Variants in NLGN1 observed in about 807,000 individuals in gnomAD.
NLGN1 encodes neuroligin-1.
A neutral mutation model predicts 65.5 loss-of-function variants in NLGN1; 12 were observed. The observed-to-expected ratio is 0.18, with a 90% CI of 0.12 to 0.30. The LOEUF (loss-of-function observed/expected upper bound fraction) is 0.30, where lower values mean the gene tolerates loss of function less well. NLGN1 is among the 10% of genes least tolerant of loss of function. NLGN1 has a pLI of 1.00. For missense variants in NLGN1, 750 were observed against 1,007.1 expected (o/e 0.74, Z 3.46); for synonymous variants, 350 against 359.5 (o/e 0.97, Z 0.30).
At chr3:173,643,558 A>G (rs1023241017) in intron 3 of NLGN1, among the ~76,000 whole-genome samples, 3 of 152,202 alleles carry the variant, frequency 2.0e-5, no homozygotes, top group African/African-American at 7.2e-5. Flanking sequence ...AAAATCAAAA[A>G]GCTGTCAGCA....
chr3:174,241,504 TA>T lies in NLGN1; in HGVS notation c.647-33798del, dbSNP rs757032175. Among the ~76,000 whole-genome samples, 600 of 141,146 alleles carry T rather than the reference TA, an allele frequency of 4.3e-3. 1 individual carries two copies. The highest frequency in any genetic ancestry group is 7.5e-3 in the African/African-American group (290 of 38,630). The allele number at this position is 141,146 out of a possible 152,430, so 92.6% of individuals were successfully genotyped here. ...TTTAGACCTGCACTTATCCACCAAT[TA>T]AAAAAAAAAAAATGAGCACCTTCCT... On this transcript the variant is annotated intron_variant, in intron 4 of 6. Coordinates refer to ENST00000457714, the Ensembl canonical transcript of NLGN1.
At chr3:174,136,441 G>A (rs546360427) in intron 4 of NLGN1, 2 of 152,212 alleles carry the variant, frequency 1.3e-5, no homozygotes, top group African/African-American at 4.8e-5. Flanking sequence ...AGATATAGGA[G>A]AAAATTGACA....
intron 2 of NLGN1, among the ~76,000 whole-genome samples, chr3:173,472,225 G>A (rs1293511350): frequency 1.3e-5 from 2 of 152,016 alleles, no homozygotes; most frequent in African/African-American, 4.8e-5. Flanking sequence ...CTGCCCAGTG[G>A]TAATATCTCT....
intron 3 of NLGN1, among the ~76,000 whole-genome samples, chr3:173,617,920 T>A (rs748988799): frequency 5.9e-5 from 9 of 152,150 alleles, no homozygotes; most frequent in Non-Finnish European, 1.2e-4. Context: ...ATCTTCTAAT[T>A]ATTTTCTTTT....
exon 7 of NLGN1, chr3:174,283,273 T>C (rs1263029651): frequency 3.3e-5 from 5 of 151,608 alleles, no homozygotes; most frequent in African/African-American, 1.2e-4. Flanking sequence ...AAGGCAAGTC[T>C]CATCTAAGAT....
chr3:174,042,447 T>G (rs1311268182), intron 4 of NLGN1, among the ~76,000 whole-genome samples: 1 of 152,232 alleles, frequency 6.6e-6, no homozygotes, highest in African/African-American at 2.4e-5. Flanking sequence ...ATGATTAGAC[T>G]ACCCTTTGTT....
chr3:173,468,574 A>T (rs947150654), intron 2 of NLGN1, among the ~76,000 whole-genome samples: 2 of 152,110 alleles, frequency 1.3e-5, no homozygotes, highest in Non-Finnish European at 2.9e-5. Flanking sequence ...TTACCTAAAA[A>T]AGAAAAAAAC....
intron 3 of NLGN1, among the ~76,000 whole-genome samples, chr3:173,743,520 T>C (rs1157900849): frequency 6.6e-6 from 1 of 152,166 alleles, no homozygotes; most frequent in Non-Finnish European, 1.5e-5. Flanking sequence ...TGCTCACATT[T>C]TTGCCTCTTT....
intron 4 of NLGN1, among the ~76,000 whole-genome samples, chr3:174,176,447 A>G (rs998481136): frequency 6.6e-6 from 1 of 152,012 alleles, no homozygotes; most frequent in Non-Finnish European, 1.5e-5. Flanking sequence ...GTATGTTGCA[A>G]CAGAACTTTG....
At chr3:174,039,029 CA>C (rs1354611244) in intron 4 of NLGN1, among the ~76,000 whole-genome samples, 2 of 152,142 alleles carry the variant, frequency 1.3e-5, no homozygotes, top group African/African-American at 4.8e-5. Context: ...ACATGAGCAT[CA>C]AAAATTGCTC....
At position 174,067,688 on chromosome 3, in the gene NLGN1, A is replaced by G. The variant is rs191306336; in HGVS notation, c.647-207627A>G. Among the ~76,000 whole-genome samples, 485 of 152,258 alleles carry G rather than the reference A, an allele frequency of 3.2e-3. 2 individuals are homozygous for G. Among genetic ancestry groups the G allele is most frequent in the African/African-American group, 0.01 (424 of 41,576 alleles). On this transcript the variant is annotated intron_variant, in intron 4 of 6. Transcript: ENST00000457714. Reference sequence around the variant, plus strand: ...TCACAAATCTGTGCAGATCAGTTCTATTTAGTACTTTAAGTCCCCTGTTAT... The same window carrying G: ...TCACAAATCTGTGCAGATCAGTTCTGTTTAGTACTTTAAGTCCCCTGTTAT...
intron 4 of NLGN1, among the ~76,000 whole-genome samples, chr3:173,919,337 T>G (rs1741460027): frequency 6.6e-6 from 1 of 152,204 alleles, no homozygotes; most frequent in African/African-American, 2.4e-5. Flanking sequence ...TTTACTGTTG[T>G]TCATATTTTA....
At chr3:174,055,449 A>T (rs1649762004) in intron 4 of NLGN1, among the ~76,000 whole-genome samples, 1 of 152,060 alleles carries the variant, frequency 6.6e-6, no homozygotes, top group Admixed American at 6.6e-5. Context: ...TTGTGATCTG[A>T]TCAAGCAATG....
intron 1 of NLGN1, among the ~76,000 whole-genome samples, chr3:173,404,062 C>A (rs1328744059): frequency 1.3e-5 from 2 of 152,026 alleles, no homozygotes; most frequent in Non-Finnish European, 2.9e-5. Context: ...AGTTTGCAGA[C>A]AGGTGGGAAA....
chr3:173,873,672 A>C (rs987373298), intron 4 of NLGN1, among the ~76,000 whole-genome samples: 6 of 152,224 alleles, frequency 3.9e-5, no homozygotes, highest in Admixed American at 2.6e-4. Flanking sequence ...CAATCAAGTT[A>C]GAATGGCCTG....
At chr3:173,986,721 G>C (rs1579587916) in intron 4 of NLGN1, among the ~76,000 whole-genome samples, 1 of 152,296 alleles carries the variant, frequency 6.6e-6, no homozygotes, top group Middle Eastern at 3.4e-3. Context: ...ACAGCGTCTA[G>C]ATGCTGGAAT....
rs147859457 is a variant in NLGN1, at chr3:174,167,030, A to G, written c.647-108285A>G. Among the ~76,000 whole-genome samples, 326 of 152,088 alleles carry G rather than the reference A, an allele frequency of 2.1e-3. 1 individual carries two copies. The highest frequency in any genetic ancestry group is 7.4e-3 in the African/African-American group (308 of 41,528). On this transcript the variant is annotated intron_variant, in intron 4 of 6. Coordinates refer to ENST00000457714, the Ensembl canonical transcript of NLGN1. Reference sequence around the variant, plus strand: ...CTACTCTTTTTTGTTTTCCTTTTACATAATAAACATTTCTCCAACCCTTTA... The same window carrying G: ...CTACTCTTTTTTGTTTTCCTTTTACGTAATAAACATTTCTCCAACCCTTTA...
chr3:173,543,135 T>G (rs1739173216), intron 2 of NLGN1, among the ~76,000 whole-genome samples: 2 of 152,150 alleles, frequency 1.3e-5, no homozygotes, highest in East Asian at 3.9e-4. Flanking sequence ...AGGACCATAT[T>G]ATTGAATTTT....
chr3:173,831,889 T>C (rs1424049335), intron 4 of NLGN1, among the ~76,000 whole-genome samples: 1 of 152,206 alleles, frequency 6.6e-6, no homozygotes, highest in African/African-American at 2.4e-5. Flanking sequence ...TTATTCACTT[T>C]AGAGATTGAG....
Sources: gnomAD v4.1 joint callset for allele counts (sites outside exome capture counted in the v4.1 genomes callset) on GRCh38, gnomAD v4.1.1 for gene constraint, MANE v1.5 for transcripts, NCBI Gene and HGNC (gene_info 2026-07-23, HGNC 2026-07-21) for gene names.